Variants in SNAP23 observed in about 807,000 individuals in gnomAD.
SNAP23 encodes the protein synaptosome associated protein 23.
SNAP23 carries 11 observed loss-of-function variants against 29.0 expected under a neutral mutation model. The observed-to-expected ratio is 0.38, with a 90% CI of 0.24 to 0.63. SNAP23 has a LOEUF of 0.63. SNAP23 is among the 20% of genes least tolerant of loss of function. The pLI is 0.58. For missense variants in SNAP23, 220 were observed against 253.9 expected (o/e 0.87, Z 0.91); for synonymous variants, 60 against 82.9 (o/e 0.72, Z 1.50).
chr15:42,521,541 G>T, intron 5 of SNAP23: 1 of 1,507,162 alleles, frequency 6.6e-7, no homozygotes, highest in Non-Finnish European at 8.8e-7. Flanking sequence ...CTGTTTGACT[G>T]GCATTTACTA....
intron 5 of SNAP23, among the ~76,000 whole-genome samples, chr15:42,523,112 C>T (rs1209804248): frequency 2.0e-5 from 3 of 150,834 alleles, no homozygotes; most frequent in African/African-American, 4.9e-5. Context: ...TCCCAAAATG[C>T]TGAAATTACA....
At chr15:42,506,986 T>G (rs2057321925) in intron 1 of SNAP23, among the ~76,000 whole-genome samples, 1 of 152,014 alleles carries the variant, frequency 6.6e-6, no homozygotes, top group Admixed American at 6.6e-5. Flanking sequence ...CCCAGCTAAT[T>G]TTTTGATTAT....
Position 42,513,467 on chromosome 15 carries a change from G to A in SNAP23, c.148+20G>A. On this transcript the variant is annotated intron_variant, in intron 4 of 7. Coordinates refer to ENST00000249647, the MANE Select transcript of SNAP23 (RefSeq NM_003825.4). ...AAAAGGGTAAGTTAAATTATTAGCA[G>A]AAATTCTTAATTTGACTGTGATGCC... 1 of 1,603,696 alleles carries A rather than the reference G, an allele frequency of 6.2e-7. No individual in the cohort carries two copies. Among genetic ancestry groups the A allele is most frequent in the Non-Finnish European group, 8.5e-7 (1 of 1,170,536 alleles).
At chr15:42,493,341 T>G (rs2057189726), upstream of SNAP23, among the ~76,000 whole-genome samples, 1 of 151,376 alleles carries the variant, frequency 6.6e-6, no homozygotes, top group Non-Finnish European at 1.5e-5. Context: ...CTTCTCTCTC[T>G]CTCTCTCTCT....
intron 5 of SNAP23, among the ~76,000 whole-genome samples, chr15:42,517,807 C>T (rs2057409508): frequency 6.6e-6 from 1 of 152,102 alleles, no homozygotes; most frequent in South Asian, 2.1e-4. Context: ...AACATCTGGG[C>T]TCAAGCAATC....
intron 5 of SNAP23, among the ~76,000 whole-genome samples, chr15:42,525,163 C>G (rs532950426): frequency 2.0e-5 from 3 of 147,718 alleles, no homozygotes; most frequent in African/African-American, 7.6e-5. Flanking sequence ...GTCAGGAGAT[C>G]GAGACCATCC....
chr15:42,520,760 T>G (rs990062520), intron 5 of SNAP23, among the ~76,000 whole-genome samples: 2 of 151,632 alleles, frequency 1.3e-5, no homozygotes, highest in Non-Finnish European at 2.9e-5. Flanking sequence ...TCCCAAAGTG[T>G]TGGGATTACA....
chr15:42,513,619 T>C (rs920586827), intron 4 of SNAP23, among the ~76,000 whole-genome samples, 172 bp downstream of exon 4: 1 of 152,210 alleles, frequency 6.6e-6, no homozygotes, highest in Non-Finnish European at 1.5e-5. Context: ...TCACTGTCTA[T>C]TTGGGATGGC....
At chr15:42,525,814 G>C (rs552399419) in intron 5 of SNAP23, among the ~76,000 whole-genome samples, 127 of 152,104 alleles carry the variant, frequency 8.3e-4, no homozygotes, top group Non-Finnish European at 1.6e-3. Context: ...CTGATTCTTT[G>C]TTTATAGACT....
In SNAP23 at chr15:42,515,285, TGAGA is replaced by T; in HGVS notation, c.202_205del (p.Glu68GlnfsTer5). The T allele has an allele frequency of 6.2e-7, 1 of 1,612,660 alleles. No homozygotes were observed. The highest frequency in any genetic ancestry group is 8.5e-7 in the Non-Finnish European group (1 of 1,179,430). ...GGCTTGGACCAAATAAATAAGGACA[TGAGA>T]GAGACAGAGAAGACTTTAACAGAAC... On this transcript the variant is annotated frameshift_variant, in exon 5 of 8. Coordinates refer to ENST00000249647, the MANE Select transcript of SNAP23 (RefSeq NM_003825.4). LOFTEE classifies it high-confidence loss of function.
chr15:42,504,898 G>C (rs919794093), intron 1 of SNAP23, among the ~76,000 whole-genome samples: 1 of 152,176 alleles, frequency 6.6e-6, no homozygotes, highest in African/African-American at 2.4e-5. Flanking sequence ...AAGCCAAAGA[G>C]AATGCTGAAC....
At chr15:42,497,295 G>A (rs528791896) in intron 1 of SNAP23, among the ~76,000 whole-genome samples, 33 of 145,752 alleles carry the variant, frequency 2.3e-4, no homozygotes, top group African/African-American at 2.8e-4. Context: ...TGCGACCTCC[G>A]CCTCCCAGGG....
chr15:42,520,045 C>CTTTTT (rs201577060), intron 5 of SNAP23, among the ~76,000 whole-genome samples: 271 of 92,940 alleles, frequency 2.9e-3, no homozygotes, highest in East Asian at 4.3e-3. Context: ...AACCCCCTTG[C>CTTTTT]TTTTTTTTTT....
intron 5 of SNAP23, among the ~76,000 whole-genome samples, chr15:42,525,016 G>GT (rs2057485661): frequency 6.6e-6 from 1 of 152,008 alleles, no homozygotes; most frequent in African/African-American, 2.4e-5. Flanking sequence ...AAAACAAGTA[G>GT]TTTTTTTCCC....
At chr15:42,504,275 A>G (rs886573580) in intron 1 of SNAP23, among the ~76,000 whole-genome samples, 1 of 152,142 alleles carries the variant, frequency 6.6e-6, no homozygotes, top group Non-Finnish European at 1.5e-5. Context: ...CCTGGGGCAG[A>G]GGTTGCAGTG....
At chr15:42,526,254 A>T (rs1820803380) in intron 5 of SNAP23, among the ~76,000 whole-genome samples, 1 of 152,222 alleles carries the variant, frequency 6.6e-6, no homozygotes, top group South Asian at 2.1e-4. Context: ...CTTATTATTA[A>T]CAAAGAATAC....
chr15:42,500,638 C>T (rs547746050), intron 1 of SNAP23, among the ~76,000 whole-genome samples: 6 of 152,234 alleles, frequency 3.9e-5, no homozygotes, highest in East Asian at 1.9e-4. Context: ...GATCTGCCTG[C>T]GTTGACCTCC....
intron 4 of SNAP23, among the ~76,000 whole-genome samples, chr15:42,513,905 C>G (rs1374133253): frequency 6.6e-6 from 1 of 152,122 alleles, no homozygotes; most frequent in African/African-American, 2.4e-5. Context: ...CCTCCTCCTC[C>G]TGGGTTCAAG....
At chr15:42,492,560 C>A (rs2057177938), upstream of SNAP23, among the ~76,000 whole-genome samples, 1 of 151,468 alleles carries the variant, frequency 6.6e-6, no homozygotes, top group African/African-American at 2.4e-5. Flanking sequence ...TGCCTGTAGT[C>A]CCAGCTACTC....
Sources: allele counts gnomAD v4.1 joint callset (sites outside exome capture counted in the v4.1 genomes callset), GRCh38; gene constraint gnomAD v4.1.1; transcripts MANE v1.5; gene names NCBI Gene and HGNC (gene_info 2026-07-23, HGNC 2026-07-21).